The following OTUD7A variants were observed in gnomAD, a reference collection of about 807,000 sequenced individuals.
OTUD7A encodes OTU domain-containing protein 7A.
In OTUD7A, 12 loss-of-function variants were observed where a neutral mutation model predicts 65.7. The observed-to-expected ratio is 0.18, with a 90% CI of 0.12 to 0.30. The LOEUF is 0.30. Ranked by LOEUF, OTUD7A falls within the 10% of genes least tolerant of loss-of-function variation. OTUD7A has a pLI of 1.00. For synonymous variants in OTUD7A, 641 were observed against 586.3 expected (o/e 1.09, Z -1.35); for missense variants, 1,148 against 1,304.8 (o/e 0.88, Z 1.85).
chr15:31,714,125 G>A (rs930485919), intron 1 of OTUD7A, among the ~76,000 whole-genome samples: 3 of 146,592 alleles, frequency 2.0e-5, no homozygotes, highest in Non-Finnish European at 4.5e-5. Flanking sequence ...TTCAGCACTC[G>A]GTACCTACAC....
intron 9 of OTUD7A, among the ~76,000 whole-genome samples, chr15:31,503,455 T>C (rs1490365977): frequency 1.3e-5 from 2 of 152,218 alleles, no homozygotes; most frequent in Admixed American, 6.5e-5. Context: ...GGCTTGGTCC[T>C]GGTCCTCACA....
intron 3 of OTUD7A, among the ~76,000 whole-genome samples, chr15:31,595,515 G>C (rs1450264617): frequency 6.6e-6 from 1 of 152,210 alleles, no homozygotes; most frequent in Admixed American, 6.5e-5. Context: ...GCATGATCAA[G>C]TAGATCACGG....
intron 3 of OTUD7A, among the ~76,000 whole-genome samples, chr15:31,629,951 T>C (rs1281905883): frequency 2.0e-5 from 3 of 152,106 alleles, no homozygotes; most frequent in African/African-American, 7.2e-5. Flanking sequence ...CCCTTTATCA[T>C]TTTTTATTGT....
rs563279633 is a variant in OTUD7A at position 31,682,336 on chromosome 15, G to A, written c.-99-25259C>T. Among the ~76,000 whole-genome samples, 222 of 152,284 alleles carry A rather than the reference G, an allele frequency of 1.5e-3. 1 individual carries two copies. Among genetic ancestry groups the A allele is most frequent in the African/African-American group, 4.8e-3 (200 of 41,550 alleles). On this transcript the variant is annotated intron_variant, in intron 1 of 12. Coordinates refer to ENST00000307050, the MANE Select transcript of OTUD7A (RefSeq NM_001382637.1). ...ATAGTCACACTGATCTATAAATTCA[G>A]TGCAATCCCAGTCAACATTCCAGCA...
chr15:31,804,457 C>A (rs1322677203), intron 1 of OTUD7A, among the ~76,000 whole-genome samples: 2 of 152,182 alleles, frequency 1.3e-5, no homozygotes, highest in Non-Finnish European at 2.9e-5. Context: ...TCTGGACCAA[C>A]CCCTCCCGAG....
At chr15:31,725,444 G>A (rs1174355421) in intron 1 of OTUD7A, among the ~76,000 whole-genome samples, 3 of 152,168 alleles carry the variant, frequency 2.0e-5, no homozygotes, top group Non-Finnish European at 4.4e-5. Flanking sequence ...AGCTATATCT[G>A]CATCTTTCAA....
chr15:31,698,504 C>T (rs1893135831), intron 1 of OTUD7A, among the ~76,000 whole-genome samples: 1 of 152,228 alleles, frequency 6.6e-6, no homozygotes, highest in African/African-American at 2.4e-5. Context: ...TCCCAGGCTC[C>T]ACCTAGACCT....
intron 1 of OTUD7A, among the ~76,000 whole-genome samples, chr15:31,840,245 C>A (rs911708409): frequency 6.6e-6 from 1 of 151,946 alleles, no homozygotes; most frequent in African/African-American, 2.4e-5. Context: ...CATGGTGAAA[C>A]CCCATCTGTA....
rs374900558 is a variant in OTUD7A, at chr15:31,646,018, A to G, written c.151+9078T>C. Among the ~76,000 whole-genome samples, 727 of 152,312 alleles carry G rather than the reference A, an allele frequency of 4.8e-3. 4 individuals are homozygous for G. Among genetic ancestry groups the G allele is most frequent in the Non-Finnish European group, 7.3e-3 (495 of 68,026 alleles). ...GCAGCAGCCTCCTCTTTCCTGCCTA[A>G]TCAAAGAAAATAGTTTAAATTGATT... On this transcript the variant is annotated intron_variant, in intron 3 of 12. Transcript: ENST00000307050.
intron 1 of OTUD7A, among the ~76,000 whole-genome samples, chr15:31,744,490 A>G (rs1364437302): frequency 6.6e-6 from 1 of 152,138 alleles, no homozygotes; most frequent in Non-Finnish European, 1.5e-5. Context: ...AGAGTAAAAC[A>G]TTTGCTAAAT....
intron 6 of OTUD7A, 121 bp downstream of exon 6, chr15:31,530,586 T>G: frequency 1.1e-6 from 1 of 874,630 alleles, no homozygotes; most frequent in Non-Finnish European, 1.7e-6. Context: ...CTCATGACAG[T>G]GACATGGGTG....
intron 1 of OTUD7A, among the ~76,000 whole-genome samples, chr15:31,853,541 AAATGGCCTAGCCCC>A (rs1412053196): frequency 6.6e-6 from 1 of 152,192 alleles, no homozygotes; most frequent in African/African-American, 2.4e-5. Flanking sequence ...CCGCCAGGAG[AAATGGCCTAGCCCC>A]AATGTGGTTG....
intron 1 of OTUD7A, among the ~76,000 whole-genome samples, chr15:31,806,928 C>T (rs1456111585): frequency 1.3e-5 from 2 of 152,162 alleles, no homozygotes; most frequent in East Asian, 3.9e-4. Context: ...ACACTGTCCC[C>T]ATCCTAAGCC....
At chr15:31,653,205 A>G (rs1373120822) in intron 3 of OTUD7A, among the ~76,000 whole-genome samples, 3 of 151,838 alleles carry the variant, frequency 2.0e-5, no homozygotes, top group Non-Finnish European at 4.4e-5. Context: ...CAATGAGCCG[A>G]GATAGCGCCA....
intron 1 of OTUD7A, among the ~76,000 whole-genome samples, chr15:31,668,603 C>T (rs1892392927): frequency 6.6e-6 from 1 of 152,128 alleles, no homozygotes; most frequent in Admixed American, 6.5e-5. Context: ...TTCTCTGGTG[C>T]CTCCCTGATT....
intron 8 of OTUD7A, among the ~76,000 whole-genome samples, chr15:31,509,775 T>A (rs1294683908): frequency 7.4e-5 from 5 of 67,800 alleles, no homozygotes; most frequent in African/African-American, 4.4e-4. Flanking sequence ...TTTGCATAAA[T>A]TTTTTTTATA....
intron 3 of OTUD7A, among the ~76,000 whole-genome samples, chr15:31,585,518 T>C (rs535760278): frequency 5.5e-4 from 84 of 152,330 alleles, no homozygotes; most frequent in African/African-American, 1.9e-3. Context: ...TCTGGGGCAG[T>C]AGGCTGTGAC....
At chr15:31,516,789 T>G (rs916004861) in intron 8 of OTUD7A, among the ~76,000 whole-genome samples, 4 of 152,172 alleles carry the variant, frequency 2.6e-5, no homozygotes, top group Non-Finnish European at 5.9e-5. Context: ...TCTAGTTGGA[T>G]CTCTCTGCCT....
At chr15:31,612,591 G>A (rs952654480) in intron 3 of OTUD7A, among the ~76,000 whole-genome samples, 3 of 152,060 alleles carry the variant, frequency 2.0e-5, no homozygotes, top group South Asian at 2.1e-4. Flanking sequence ...TAACTGAGGA[G>A]GAGAAAGACC....
Sources: allele counts gnomAD v4.1 joint callset (sites outside exome capture counted in the v4.1 genomes callset), GRCh38; gene constraint gnomAD v4.1.1; transcripts MANE v1.5; gene names NCBI Gene and HGNC (gene_info 2026-07-23, HGNC 2026-07-21).